The following TENM3 variants were observed in gnomAD, a reference collection of about 807,000 sequenced individuals.
TENM3 encodes teneurin transmembrane protein 3, also known as teneurin-3.
In TENM3, 63 loss-of-function variants were observed where a neutral mutation model predicts 255.1. The observed-to-expected ratio is 0.25, with a 90% CI of 0.20 to 0.30. The LOEUF is 0.30. Ranked by LOEUF, TENM3 falls within the 10% of genes least tolerant of loss-of-function variation. The pLI is 1.00. For synonymous variants in TENM3, 1,306 were observed against 1,322.3 expected (o/e 0.99, Z 0.27); for missense variants, 2,929 against 3,461.1 (o/e 0.85, Z 3.86).
intron 22 of TENM3, among the ~76,000 whole-genome samples, chr4:182,767,412 C>CTGTT (rs1202040217): frequency 6.6e-6 from 1 of 152,300 alleles, no homozygotes; most frequent in African/African-American, 2.4e-5. Context: ...AGATACGAGG[C>CTGTT]TGTTACAAAT....
At chr4:181,730,893 C>T in the TENM3 span, among the ~76,000 whole-genome samples, 1 of 152,118 alleles carries the variant, frequency 6.6e-6, no homozygotes, top group Non-Finnish European at 1.5e-5. Context: ...ATAAGATCGG[C>T]AATTCTCGTA....
At chr4:182,254,882 GCAAAAAACAAAAAA>G (rs566962568) in intron 1 of TENM3, among the ~76,000 whole-genome samples, 4 of 152,032 alleles carry the variant, frequency 2.6e-5, no homozygotes, top group Non-Finnish European at 5.9e-5. Context: ...GTTACAGTCA[GCAAAAAACAAAAAA>G]CAAAAAACCC....
At chr4:182,691,603 A>G (rs1247134576) in intron 12 of TENM3, among the ~76,000 whole-genome samples, 4 of 152,180 alleles carry the variant, frequency 2.6e-5, no homozygotes, top group African/African-American at 7.2e-5. Context: ...TCCTCTCATT[A>G]TGAATCATGT....
chr4:182,314,742 A>C (rs1215342693), intron 1 of TENM3, among the ~76,000 whole-genome samples: 2 of 152,108 alleles, frequency 1.3e-5, no homozygotes. Context: ...CATTTTGTGG[A>C]GTTTTTAGAC....
At chr4:181,687,707 C>T in the TENM3 span, among the ~76,000 whole-genome samples, 1 of 152,094 alleles carries the variant, frequency 6.6e-6, no homozygotes, top group Admixed American at 6.6e-5. Flanking sequence ...TCCCATGAAG[C>T]CATCACCTCT....
At chr4:181,515,467 C>G in the TENM3 span, among the ~76,000 whole-genome samples, 1 of 152,040 alleles carries the variant, frequency 6.6e-6, no homozygotes, top group Non-Finnish European at 1.5e-5. Context: ...AAAGGCCTAT[C>G]TTTAGCACAC....
intron 3 of TENM3, among the ~76,000 whole-genome samples, chr4:182,382,486 T>C (rs1767640552): frequency 6.6e-6 from 1 of 152,198 alleles, no homozygotes; most frequent in South Asian, 2.1e-4. Context: ...CACACTGCAG[T>C]TGAAGGACTT....
chr4:182,391,964 A>G (rs1580392015), intron 3 of TENM3, among the ~76,000 whole-genome samples: 1 of 152,332 alleles, frequency 6.6e-6, no homozygotes, highest in East Asian at 1.9e-4. Flanking sequence ...AATTGCTCAA[A>G]TGTTTTGTTC....
At chr4:181,755,019 G>C in the TENM3 span, among the ~76,000 whole-genome samples, 2 of 152,228 alleles carry the variant, frequency 1.3e-5, no homozygotes, top group African/African-American at 4.8e-5. Context: ...GGTTGCCAGT[G>C]AACTCTTGCT....
At chr4:182,379,593 G>T (rs1335541560) in intron 3 of TENM3, among the ~76,000 whole-genome samples, 1 of 148,942 alleles carries the variant, frequency 6.7e-6, no homozygotes, top group Admixed American at 6.6e-5. Context: ...CTGAGGAGGA[G>T]AATGACTTGA....
chr4:181,984,679 G>A, the TENM3 span, among the ~76,000 whole-genome samples: 1 of 151,930 alleles, frequency 6.6e-6, no homozygotes, highest in Non-Finnish European at 1.5e-5. Flanking sequence ...GTAAATTATA[G>A]AGTAACAATA....
chr4:182,106,995 A>G, the TENM3 span, among the ~76,000 whole-genome samples: 4 of 151,908 alleles, frequency 2.6e-5, no homozygotes, highest in Admixed American at 2.6e-4. Flanking sequence ...TTCCCTGCTT[A>G]CCTCCCGTCA....
intron 1 of TENM3, among the ~76,000 whole-genome samples, chr4:182,197,922 T>A (rs902911888): frequency 2.6e-5 from 4 of 152,078 alleles, no homozygotes; most frequent in Non-Finnish European, 4.4e-5. Context: ...CTCGCCAACA[T>A]GGTGAACCTG....
At chr4:182,040,193 A>G in the TENM3 span, among the ~76,000 whole-genome samples, 2 of 578 alleles carry the variant, frequency 3.5e-3, 1 homozygote, top group Non-Finnish European at 0.017. Flanking sequence ...GAAGGGGAGA[A>G]GAGGGCAGGG....
chr4:181,537,832 C>CA, the TENM3 span, among the ~76,000 whole-genome samples: 1 of 152,198 alleles, frequency 6.6e-6, no homozygotes, highest in African/African-American at 2.4e-5. Context: ...GCTGCCAAGA[C>CA]AAAATCCTGT....
At chr4:182,552,387 A>G (rs1742138429) in intron 3 of TENM3, among the ~76,000 whole-genome samples, 1 of 152,154 alleles carries the variant, frequency 6.6e-6, no homozygotes, top group African/African-American at 2.4e-5. Flanking sequence ...ACATCTCCTT[A>G]TGTTTCAGAT....
intron 24 of TENM3, among the ~76,000 whole-genome samples, chr4:182,775,979 T>TTATA (rs1554035562): frequency 6.6e-6 from 1 of 151,618 alleles, no homozygotes. Flanking sequence ...GATAGATAGA[T>TTATA]TATATATATA....
At chr4:181,749,173 A>G in the TENM3 span, among the ~76,000 whole-genome samples, 2 of 152,138 alleles carry the variant, frequency 1.3e-5, no homozygotes, top group Non-Finnish European at 2.9e-5. Context: ...ATTAGGAAAA[A>G]AAATGGTGGG....
At chr4:182,347,736 AG>A (rs1398249031) in intron 3 of TENM3, among the ~76,000 whole-genome samples, 17 of 152,238 alleles carry the variant, frequency 1.1e-4, no homozygotes, top group Non-Finnish European at 1.6e-4. Flanking sequence ...TGCTGCTTCT[AG>A]GAAGAATTGG....
Sources: gnomAD v4.1 joint callset for allele counts (sites outside exome capture counted in the v4.1 genomes callset) on GRCh38, gnomAD v4.1.1 for gene constraint, MANE v1.5 for transcripts, NCBI Gene and HGNC (gene_info 2026-07-23, HGNC 2026-07-21) for gene names.